The following TRPV2 variants were observed in gnomAD, a reference collection of about 807,000 sequenced individuals.
TRPV2 encodes transient receptor potential cation channel subfamily V member 2.
TRPV2 carries 58 observed loss-of-function variants against 91.0 expected under a neutral mutation model. The observed-to-expected ratio is 0.64, with a 90% CI of 0.52 to 0.79. The LOEUF is 0.79. Ranked by LOEUF, TRPV2 falls within the 30% of genes least tolerant of loss-of-function variation. The pLI, the probability that TRPV2 is intolerant of heterozygous loss-of-function variation, is 0.00. For missense variants in TRPV2, 807 were observed against 969.6 expected (o/e 0.83, Z 2.23); for synonymous variants, 417 against 414.8 (o/e 1.01, Z -0.06).
rs1385755370 is a variant in TRPV2 at position 16,431,846 on chromosome 17, T to C, written c.1650T>C (p.Ala550=). Residue 550 remains alanine, a synonymous_variant, in exon 11 of 15, where the codon GCT becomes GCC. Coordinates refer to ENST00000338560, the MANE Select transcript of TRPV2 (RefSeq NM_016113.5). ...LIYLVFLFGF[A]VALVSLSQEA... ...ACTTAGTCTTCCTTTTCGGCTTCGC[T>C]GTAGGTAAAGGCTCCCTCCGGCCCC... The C allele has an allele frequency of 1.2e-6, 2 of 1,614,146 alleles. No individual in the cohort carries two copies. The highest frequency in any genetic ancestry group is 8.5e-7 in the Non-Finnish European group (1 of 1,180,030).
In TRPV2 at chr17:16,416,906, C is replaced by A. The variant is rs187952567; in HGVS notation, c.-107-656C>A. 5.4e-4 allele frequency among the ~76,000 whole-genome samples: 82 copies of A among 152,286 alleles called. No homozygotes were observed. The South Asian group carries it at 6.0e-3, about 11-fold the overall frequency. On this transcript the variant is annotated intron_variant, in intron 1 of 14. Coordinates refer to ENST00000338560, the MANE Select transcript of TRPV2 (RefSeq NM_016113.5). ...GTGACTGGCCCCATCCCAGTCATCG[C>A]ACTTTTATCTGTTGGAATATTGGCT...
chr17:16,432,439 C>CATTT, intron 12 of TRPV2, 139 bp downstream of exon 12: 2 of 534,734 alleles, frequency 3.7e-6, no homozygotes, highest in Non-Finnish European at 3.2e-6. Context: ...CTTCCTCTTC[C>CATTT]TTTTTTTTTT....
At position 16,435,381 on chromosome 17, in the gene TRPV2, C is replaced by T. The variant is rs2093430767; in HGVS notation, c.2194+412C>T. Among the ~76,000 whole-genome samples the T allele has an allele frequency of 6.6e-6, 1 of 152,188 alleles. No individual in the cohort carries two copies. Among genetic ancestry groups the T allele is most frequent in the African/African-American group, 2.4e-5 (1 of 41,440 alleles). ...GTCACAGCGCAGCCTACAACAGAGG[C>T]AGCATCTCCCTGGACCCTCAGAGGA... On this transcript the variant is annotated intron_variant, in intron 14 of 14. Coordinates refer to ENST00000338560, the MANE Select transcript of TRPV2 (RefSeq NM_016113.5). This position sits in a 1 kb window ranked among gnomAD's most constrained non-coding sequence, Gnocchi z 4.2.
intron 7 of TRPV2, 76 bp from the exon 8 acceptor site, chr17:16,427,373 C>T: frequency 7.0e-7 from 1 of 1,434,624 alleles, no homozygotes; most frequent in South Asian, 1.2e-5. Flanking sequence ...AGAGTAGGCC[C>T]TCAGCTTCAG....
intron 5 of TRPV2, among the ~76,000 whole-genome samples, chr17:16,424,240 C>T (rs1463954008): frequency 2.0e-5 from 3 of 151,922 alleles, no homozygotes; most frequent in African/African-American, 4.8e-5. Flanking sequence ...TCACTGCAAC[C>T]TCTGCCTCCC....
In TRPV2 at chr17:16,426,393, A is replaced by T; in HGVS notation, c.1095+124A>T. The T allele has an allele frequency of 4.8e-6, 6 of 1,240,366 alleles. No individual in the cohort carries two copies. The South Asian group carries it at 8.7e-5, about 18-fold the overall frequency. The allele number at this position is 1,240,366 out of a possible 1,614,324, so 76.8% of individuals were successfully genotyped here. ...CCTGTGCCAGTGGGGGTGTGGCTGC[A>T]TGTCCCAGCAGGCACGACCCTGACC... On this transcript the variant is annotated intron_variant, in intron 6 of 14. Transcript: ENST00000338560. The surrounding 1 kb of genome is among the most constrained non-coding windows in gnomAD (Gnocchi z 6.0).
Position 16,434,905 on chromosome 17 carries a change from C to T in TRPV2, c.2130C>T (p.Asn710=). The part of the protein sequence containing the change: ...ERWCFRVEEV[N]WASWEQTLPT... ...TTGCCCTCAGGGTGGAGGAGGTGAA[C>T]TGGGCTTCATGGGAGCAGACGCTGC... Residue 710 remains asparagine, a synonymous_variant, in exon 14 of 15, where the codon AAC becomes AAT. Transcript: ENST00000338560. 6.2e-7 allele frequency: 1 copy of T among 1,612,062 alleles called. No individual in the cohort carries two copies. Among genetic ancestry groups the T allele is most frequent in the Non-Finnish European group, 8.5e-7 (1 of 1,179,354 alleles).
At chr17:16,423,429 G>C in intron 4 of TRPV2, 40 bp from the exon 5 acceptor site, 1 of 1,556,796 alleles carries the variant, frequency 6.4e-7, no homozygotes, top group Non-Finnish European at 8.7e-7. Context: ...CAGATGGAAA[G>C]CAGGAGGCCT....
chr17:16,419,253 A>G, intron 2 of TRPV2: 1 of 465,604 alleles, frequency 2.1e-6, no homozygotes, highest in Admixed American at 2.4e-5. Flanking sequence ...GGAATGACTC[A>G]TGCCCTTCCC....
At position 16,428,303 on chromosome 17, in the gene TRPV2, CCCTT is replaced by C. The variant is rs754733734; in HGVS notation, c.1351-10_1351-7del. 7 of 1,613,962 alleles carry C rather than the reference CCCTT, an allele frequency of 4.3e-6. No homozygotes were observed. Among genetic ancestry groups the C allele is most frequent in the Non-Finnish European group, 5.9e-6 (7 of 1,179,912 alleles). On this transcript the variant is annotated splice_polypyrimidine_tract_variant and intron_variant, in intron 8 of 14. Coordinates refer to ENST00000338560, the MANE Select transcript of TRPV2 (RefSeq NM_016113.5). ...AGCAGGTTTCACAGCCCTCTGTCCT[CCCTT>C]CCTCCGCAGCTGTGGTACTTCTGGC... is the stretch of plus-strand genomic sequence containing the variant.
At chr17:16,422,562 G>A (rs2093363062) in intron 3 of TRPV2, 37 bp from the exon 4 acceptor site, 1 of 1,593,590 alleles carries the variant, frequency 6.3e-7, no homozygotes, top group South Asian at 1.1e-5. Flanking sequence ...CCAGGTCTCA[G>A]CACCACTGTG....
intron 3 of TRPV2, 144 bp downstream of exon 3, chr17:16,420,392 T>C: frequency 9.2e-7 from 1 of 1,084,236 alleles, no homozygotes; most frequent in South Asian, 1.7e-5. Context: ...GGGGGCCCTG[T>C]GGACAGAGTT....
rs10634588 is a variant in TRPV2 at position 16,434,467 on chromosome 17, CA to C, written c.2115-406del. On this transcript the variant is annotated intron_variant, in intron 13 of 14. Coordinates refer to ENST00000338560, the MANE Select transcript of TRPV2 (RefSeq NM_016113.5). ...TGGGCGACAGAGCGAGACTCCATCT[CA>C]AAAAAAAAAAAAAAAAGAAAACAAC... Among the ~76,000 whole-genome samples the C allele has an allele frequency of 2.9e-3, 314 of 109,724 alleles. 1 individual carries two copies. Among genetic ancestry groups the C allele is most frequent in the East Asian group, 0.022 (73 of 3,250 alleles). 72.0% of individuals were successfully genotyped at this position (109,724 alleles called of 152,430 possible). A position where few individuals can be genotyped will look rare whatever the true frequency, so the allele number is the denominator to read the frequency against.
Position 16,436,976 on chromosome 17 carries a change from G to T in TRPV2, c.*87G>T. On this transcript the variant is annotated 3_prime_UTR_variant, in exon 15 of 15. Coordinates refer to ENST00000338560, the MANE Select transcript of TRPV2 (RefSeq NM_016113.5). ...GGCTCTGGGGTCCCAGTGAATTCTG[G>T]TGGCAAATATATATTTTCACTAACT... 1.9e-6 allele frequency: 2 copies of T among 1,042,532 alleles called. No homozygotes were observed. The highest frequency in any genetic ancestry group is 2.6e-5 in the South Asian group (2 of 76,364). The allele number at this position is 1,042,532 out of a possible 1,614,324, so 64.6% of individuals were successfully genotyped here.
intron 2 of TRPV2, among the ~76,000 whole-genome samples, chr17:16,418,116 A>T (rs1229910410): frequency 6.6e-6 from 1 of 152,148 alleles, no homozygotes; most frequent in Non-Finnish European, 1.5e-5. Context: ...CATGAGATAC[A>T]TTCTTGAGCT....
chr17:16,431,278 TATATATATACATA>T lies in TRPV2; in HGVS notation c.1588-505_1588-493del, dbSNP rs1422715363. On this transcript the variant is annotated intron_variant, in intron 10 of 14. Transcript: ENST00000338560. ...AGACATATATATATATATATATATA[TATATATATACATA>T]TTTTTTTTTTTTTTTTTTTTGAGAC... 4.1e-4 allele frequency among the ~76,000 whole-genome samples: 32 copies of T among 77,782 alleles called. 1 individual carries two copies. Among genetic ancestry groups the T allele is most frequent in the African/African-American group, 1.3e-3 (23 of 17,510 alleles). 51.0% of individuals were successfully genotyped at this position (77,782 alleles called of 152,430 possible). A position where few individuals can be genotyped will look rare whatever the true frequency, so the allele number is the denominator to read the frequency against.
intron 2 of TRPV2, among the ~76,000 whole-genome samples, chr17:16,419,659 A>C (rs2093347214): frequency 6.6e-6 from 1 of 151,652 alleles, no homozygotes; most frequent in Non-Finnish European, 1.5e-5. Context: ...GAGAAGGGAG[A>C]TTTTCTGCAT....
Position 16,426,553 on chromosome 17 carries a change from A to G in TRPV2, c.1096-169A>G, listed in dbSNP as rs1044355712. Reference sequence around the variant, plus strand: ...TTTGGAGGGCAAGCCCCTTAGTCACACTGTAGCTGGGAGGGTTGGCGTGAG... The same window carrying G: ...TTTGGAGGGCAAGCCCCTTAGTCACGCTGTAGCTGGGAGGGTTGGCGTGAG... On this transcript the variant is annotated intron_variant, in intron 6 of 14. Transcript: ENST00000338560. The surrounding 1 kb of genome is among the most constrained non-coding windows in gnomAD (Gnocchi z 6.0). Among the ~76,000 whole-genome samples, 1 of 152,078 alleles carries G rather than the reference A, an allele frequency of 6.6e-6. No individual in the cohort carries two copies. The highest frequency in any genetic ancestry group is 1.5e-5 in the Non-Finnish European group (1 of 68,010).
chr17:16,431,589 G>A (rs1047211893), intron 10 of TRPV2, among the ~76,000 whole-genome samples, 195 bp from the exon 11 acceptor site: 20 of 151,958 alleles, frequency 1.3e-4, no homozygotes, highest in South Asian at 2.1e-4. Context: ...ATGAGCCACC[G>A]CACCCAGCCA....
Sources: gnomAD v4.1 joint callset for allele counts (sites outside exome capture counted in the v4.1 genomes callset) on GRCh38, gnomAD v4.1.1 for gene constraint, Gnocchi (gnomAD v3.1) non-coding constraint, MANE v1.5 for transcripts, NCBI Gene and HGNC (gene_info 2026-07-23, HGNC 2026-07-21) for gene names.